The following FAT3 variants were observed in gnomAD, a reference collection of about 807,000 sequenced individuals.
The protein encoded by FAT3 is FAT atypical cadherin 3.
A neutral mutation model predicts 310.2 loss-of-function variants in FAT3; 95 were observed. The ratio of observed to expected loss-of-function variants is 0.31; its 90% confidence interval spans 0.26 to 0.36. The LOEUF (loss-of-function observed/expected upper bound fraction) is 0.36. Ranked by LOEUF, FAT3 falls within the 10% of genes least tolerant of loss-of-function variation. The probability of loss-of-function intolerance (pLI) is 1.00; values close to 1 mark genes in which losing one functional copy is unlikely to be tolerated. For missense variants in FAT3, 5,408 were observed against 5,715.6 expected (o/e 0.95, Z 1.74); for synonymous variants, 2,314 against 2,192.9 (o/e 1.06, Z -1.54).
intron 3 of FAT3, among the ~76,000 whole-genome samples, chr11:92,540,865 A>C (rs1480659197): frequency 1.3e-5 from 2 of 152,078 alleles, no homozygotes; most frequent in African/African-American, 4.8e-5. Context: ...TACCAGCTAA[A>C]GGAAAGTGGG....
At chr11:92,320,653 A>T (rs1044923589) in intron 1 of FAT3, among the ~76,000 whole-genome samples, 4 of 151,958 alleles carry the variant, frequency 2.6e-5, no homozygotes, top group Non-Finnish European at 4.4e-5. Context: ...AGGTCACCTG[A>T]GGTCAGGAGT....
At chr11:92,810,118 T>C (rs1947628771) in intron 13 of FAT3, 42 bp downstream of exon 13, 1 of 1,568,068 alleles carries the variant, frequency 6.4e-7, no homozygotes, top group Admixed American at 1.7e-5. Context: ...CAGTGGACAC[T>C]TTGTCTTCAG....
intron 3 of FAT3, among the ~76,000 whole-genome samples, chr11:92,586,979 AGAAAT>A (rs1320566373): frequency 6.6e-6 from 1 of 152,050 alleles, no homozygotes; most frequent in Non-Finnish European, 1.5e-5. Flanking sequence ...GAAGCATGGC[AGAAAT>A]AAGATGTGCA....
At chr11:92,294,962 G>T (rs1482452273) in intron 1 of FAT3, among the ~76,000 whole-genome samples, 1 of 152,030 alleles carries the variant, frequency 6.6e-6, no homozygotes, top group Non-Finnish European at 1.5e-5. Context: ...AGTGCAGTTT[G>T]CTTACTTTAT....
intron 13 of FAT3, among the ~76,000 whole-genome samples, chr11:92,829,810 C>A (rs1027925739): frequency 6.6e-6 from 1 of 152,260 alleles, no homozygotes; most frequent in Non-Finnish European, 1.5e-5. Context: ...AAAATGGACT[C>A]TCTGGAATGG....
At chr11:92,704,435 C>T (rs974645750) in intron 4 of FAT3, among the ~76,000 whole-genome samples, 1 of 152,184 alleles carries the variant, frequency 6.6e-6, no homozygotes, top group African/African-American at 2.4e-5. Context: ...CCACCTCCCA[C>T]CACCAAAATC....
chr11:92,402,671 G>A (rs937064415), intron 2 of FAT3, among the ~76,000 whole-genome samples: 3 of 151,538 alleles, frequency 2.0e-5, no homozygotes, highest in Non-Finnish European at 2.9e-5. Flanking sequence ...GGTTGAGATG[G>A]CAGATAGCTG....
At chr11:92,314,381 T>C in intron 1 of FAT3, 1 of 702,354 alleles carries the variant, frequency 1.4e-6, no homozygotes, top group Non-Finnish European at 1.7e-6. Flanking sequence ...AAGCCCCTCA[T>C]TGCATGAAAC....
At position 92,352,316 on chromosome 11, in the gene FAT3, G is replaced by A; in HGVS notation, c.204G>A (p.Met68Ile). The A allele has an allele frequency of 6.5e-7, 1 of 1,541,568 alleles. No individual in the cohort carries two copies. The highest frequency in any genetic ancestry group is 2.6e-5 in the East Asian group (1 of 38,146). Residue 68 changes from methionine (M) to isoleucine (I), a missense_variant, in exon 2 of 28, where the codon ATG becomes ATA. By Grantham distance (10) the Met-to-Ile change is conservative. Coordinates refer to ENST00000525166, the MANE Select transcript of FAT3 (RefSeq NM_001367949.2). The stretch of plus-strand genomic sequence containing the variant: ...CCTACGTCAACAGCCAGAGTAGAAT[G>A]GGCATCACCTTAATAGATCTATCCT... ...ARTYVNSQSR[M>I]GITLIDLSWD... is the part of the protein sequence containing the mutation.
chr11:92,774,311 T>G (rs1435874214), intron 7 of FAT3, 131 bp downstream of exon 7: 5 of 1,038,726 alleles, frequency 4.8e-6, no homozygotes, highest in Non-Finnish European at 6.7e-6. Context: ...AAAAAAATCA[T>G]TTTCAAGAAC....
At chr11:92,306,385 G>C (rs145296728) in intron 1 of FAT3, among the ~76,000 whole-genome samples, 1 of 148,574 alleles carries the variant, frequency 6.7e-6, no homozygotes, top group Non-Finnish European at 1.5e-5. Context: ...GAAAGTAGAG[G>C]CCTATTTACT....
chr11:92,437,023 CAATT>C (rs1950954260), intron 2 of FAT3, among the ~76,000 whole-genome samples: 1 of 152,328 alleles, frequency 6.6e-6, no homozygotes, highest in East Asian at 1.9e-4. Flanking sequence ...GCATTCTCAT[CAATT>C]GATTGATCCC....
intron 4 of FAT3, among the ~76,000 whole-genome samples, chr11:92,754,915 A>C (rs752300181): frequency 2.2e-4 from 34 of 152,074 alleles, no homozygotes; most frequent in Admixed American, 2.2e-3. Context: ...TTGTGACAAC[A>C]TGGAAACGTG....
chr11:92,387,033 A>G (rs994110697), intron 2 of FAT3, among the ~76,000 whole-genome samples: 2 of 150,972 alleles, frequency 1.3e-5, no homozygotes, highest in Non-Finnish European at 2.9e-5. Context: ...AAATGCTATG[A>G]GCCAGCAATG....
At chr11:92,747,423 C>T (rs557601542) in intron 4 of FAT3, among the ~76,000 whole-genome samples, 3 of 152,336 alleles carry the variant, frequency 2.0e-5, no homozygotes, top group Admixed American at 6.5e-5. Context: ...GCAGGGGGAC[C>T]CTGGGCCCAG....
intron 2 of FAT3, among the ~76,000 whole-genome samples, chr11:92,519,441 A>C (rs1013739524): frequency 6.6e-6 from 1 of 152,138 alleles, no homozygotes; most frequent in Non-Finnish European, 1.5e-5. Flanking sequence ...AGAAGAAAAC[A>C]CAGGACAAAA....
At chr11:92,274,883 G>A (rs1368797873) in intron 1 of FAT3, among the ~76,000 whole-genome samples, 1 of 152,062 alleles carries the variant, frequency 6.6e-6, no homozygotes, top group Admixed American at 6.6e-5. Context: ...TACATAAAGA[G>A]CTTTTCACAG....
intron 4 of FAT3, among the ~76,000 whole-genome samples, chr11:92,749,545 A>G (rs1229353388): frequency 1.3e-5 from 2 of 152,220 alleles, no homozygotes; most frequent in Non-Finnish European, 2.9e-5. Flanking sequence ...CTTAACATCT[A>G]GTGACTCTAT....
chr11:92,836,956 C>G (rs775811430), intron 16 of FAT3, among the ~76,000 whole-genome samples: 19 of 152,044 alleles, frequency 1.2e-4, no homozygotes, highest in Non-Finnish European at 2.5e-4. Context: ...TGAATTTTAG[C>G]CCTTCCTAGA....
Sources: gnomAD v4.1 joint callset for allele counts (sites outside exome capture counted in the v4.1 genomes callset) on GRCh38, gnomAD v4.1.1 for gene constraint, MANE v1.5 for transcripts, NCBI Gene and HGNC (gene_info 2026-07-23, HGNC 2026-07-21) for gene names.